TJP2: variants seen among roughly 807,000 people sequenced by gnomAD.
The protein encoded by TJP2 is tight junction protein 2.
TJP2 carries 91 observed loss-of-function variants against 133.1 expected under a neutral mutation model. The ratio of observed to expected loss-of-function variants is 0.68; its 90% CI spans 0.58 to 0.81. TJP2 has a LOEUF of 0.81. Among genes scored for constraint, TJP2 ranks in the 40% least tolerant of loss-of-function variants. The pLI, the probability that TJP2 is intolerant of heterozygous loss-of-function variation, is 0.00. For missense variants in TJP2, 1,541 were observed against 1,565.6 expected (o/e 0.98, Z 0.26); for synonymous variants, 592 against 583.4 (o/e 1.01, Z -0.21).
Position 69,174,304 on chromosome 9 carries a change from GAGT to G in TJP2, c.-66_-64del. Reference sequence around the variant, plus strand: ...AGCACTGTCCGGTGGTGCCCAGGAGGAGTAGGAGCAGGAGCAGAAGCAGAAGCG... The same window carrying G: ...AGCACTGTCCGGTGGTGCCCAGGAGGAGGAGCAGGAGCAGAAGCAGAAGCG... On this transcript the variant is annotated 5_prime_UTR_variant, in exon 1 of 23. Transcript: ENST00000377245. The G allele has an allele frequency of 1.9e-6, 3 of 1,550,230 alleles. No homozygotes were observed. The highest frequency in any genetic ancestry group is 2.6e-6 in the Non-Finnish European group (3 of 1,146,644).
chr9:69,224,263 C>T (rs75024916), intron 5 of TJP2, among the ~76,000 whole-genome samples: 1,958 of 152,286 alleles, frequency 0.013, 19 homozygotes, highest in Admixed American at 0.024. Context: ...TGCCAAGCTT[C>T]ATATAATCTA....
intron 1 of TJP2, among the ~76,000 whole-genome samples, chr9:69,196,001 C>T (rs979764908): frequency 1.3e-5 from 2 of 152,220 alleles, no homozygotes; most frequent in African/African-American, 4.8e-5. Flanking sequence ...CTCACTCTGT[C>T]ACCCAGGCTA....
chr9:69,217,542 G>A (rs1358334200), intron 3 of TJP2, among the ~76,000 whole-genome samples: 1 of 152,104 alleles, frequency 6.6e-6, no homozygotes, highest in Admixed American at 6.6e-5. Context: ...ACCCTGTTGG[G>A]ATGGCATGTA....
intron 2 of TJP2, among the ~76,000 whole-genome samples, chr9:69,213,233 T>G (rs994757237): frequency 6.6e-6 from 1 of 152,058 alleles, no homozygotes; most frequent in Non-Finnish European, 1.5e-5. Flanking sequence ...CCGGCTAATT[T>G]TGTATTTTTA....
rs1238544037 is a variant in TJP2 at position 69,187,551 on chromosome 9, A to G, written c.60+13119A>G. Among the ~76,000 whole-genome samples the G allele has an allele frequency of 2.0e-5, 3 of 152,354 alleles. No individual in the cohort carries two copies. In the East Asian group the frequency reaches 5.8e-4, roughly 29 times the overall value. Reference sequence around the variant, plus strand: ...AAGCAACATAAGCTTTTTGACTGAGACGAGCGTAATCAAAAGGAATGCTGG... The same window carrying G: ...AAGCAACATAAGCTTTTTGACTGAGGCGAGCGTAATCAAAAGGAATGCTGG... On this transcript the variant is annotated intron_variant, in intron 1 of 22. Transcript: ENST00000377245.
intron 2 of TJP2, among the ~76,000 whole-genome samples, chr9:69,214,705 T>C (rs1352439465): frequency 2.0e-5 from 3 of 151,920 alleles, no homozygotes; most frequent in African/African-American, 7.3e-5. Flanking sequence ...TCCCTGTCTC[T>C]CTACTAAAAA....
chr9:69,157,543 G>T (rs1169662106), intron 2 of TJP2, among the ~76,000 whole-genome samples: 1 of 150,042 alleles, frequency 6.7e-6, no homozygotes, highest in Non-Finnish European at 1.5e-5. Context: ...TTGGCTCATT[G>T]CAACCTCCAC....
chr9:69,218,222 G>A, intron 3 of TJP2, 35 bp from the exon 4 acceptor site: 1 of 1,520,252 alleles, frequency 6.6e-7, no homozygotes, highest in South Asian at 1.1e-5. Context: ...ATAGATGGGA[G>A]TTTTTCATGA....
chr9:69,143,028 G>A (rs1185427831), intron 1 of TJP2, among the ~76,000 whole-genome samples: 1 of 152,082 alleles, frequency 6.6e-6, no homozygotes, highest in South Asian at 2.1e-4. Flanking sequence ...AATTATGAGA[G>A]ATTCCACACA....
chr9:69,240,738 G>A (rs554055507), intron 17 of TJP2, among the ~76,000 whole-genome samples: 24 of 151,892 alleles, frequency 1.6e-4, no homozygotes, highest in African/African-American at 5.8e-4. Context: ...GGAATTCAAA[G>A]CTGCAGTGAG....
At chr9:69,173,988 G>A (rs528357968), upstream of TJP2, 37 of 985,310 alleles carry the variant, frequency 3.8e-5, no homozygotes, top group Middle Eastern at 1.0e-3. Flanking sequence ...GGGGCTGCGG[G>A]CCGCTCGGGC....
At chr9:69,213,675 G>A (rs1174890699) in intron 2 of TJP2, among the ~76,000 whole-genome samples, 1 of 152,204 alleles carries the variant, frequency 6.6e-6, no homozygotes, top group Admixed American at 6.5e-5. Context: ...TTCCTCATTT[G>A]AGGGGTTTTG....
chr9:69,241,067 A>AC (rs1276103990), intron 17 of TJP2, among the ~76,000 whole-genome samples: 2 of 152,152 alleles, frequency 1.3e-5, no homozygotes, highest in Non-Finnish European at 1.5e-5. Flanking sequence ...TAGTTGTTGA[A>AC]CTGGTTGATA....
At chr9:69,253,785 C>A (rs555605283) in intron 22 of TJP2, 27 of 293,074 alleles carry the variant, frequency 9.2e-5, no homozygotes, top group Non-Finnish European at 1.8e-4. Flanking sequence ...TCTAGTTTTC[C>A]AGTGATAGAA....
intron 1 of TJP2, among the ~76,000 whole-genome samples, chr9:69,206,544 C>T (rs1222305751): frequency 2.0e-5 from 3 of 146,832 alleles, no homozygotes; most frequent in African/African-American, 7.4e-5. Flanking sequence ...ACCCACTCAT[C>T]TCCCTATTTT....
At chr9:69,190,805 TTTG>T (rs1000495042) in intron 1 of TJP2, among the ~76,000 whole-genome samples, 4 of 152,192 alleles carry the variant, frequency 2.6e-5, no homozygotes, top group Non-Finnish European at 5.9e-5. Flanking sequence ...CAGCTGCGTG[TTTG>T]TTGTTTTTTC....
At position 69,163,192 on chromosome 9, in the gene TJP2, A is replaced by AT. The variant is rs1316060901; in HGVS notation, c.-10+11429dup. On this transcript the variant is annotated intron_variant, in intron 2 of 5. Transcript: ENST00000423935. The stretch of plus-strand genomic sequence containing the variant: ...AGGCGCCCGCCACTACGCCCGGCTA[A>AT]TTTTTTTTGTATTTTTAGTAGAGAC... 2.2e-4 allele frequency among the ~76,000 whole-genome samples: 23 copies of AT among 105,498 alleles called. 9 individuals are homozygous for AT. The highest frequency in any genetic ancestry group is 1.1e-3 in the Admixed American group (10 of 8,820). The allele number at this position is 105,498 out of a possible 152,430, so 69.2% of individuals were successfully genotyped here. A position where few individuals can be genotyped will look rare whatever the true frequency, so the allele number is the denominator to read the frequency against.
intron 1 of TJP2, among the ~76,000 whole-genome samples, chr9:69,190,624 G>A (rs1280763135): frequency 6.6e-6 from 1 of 152,170 alleles, no homozygotes; most frequent in East Asian, 1.9e-4. Context: ...AGTTTGTTGA[G>A]GATAGAAATG....
At chr9:69,222,788 GC>G (rs1309060735) in intron 5 of TJP2, among the ~76,000 whole-genome samples, 1 of 151,282 alleles carries the variant, frequency 6.6e-6, no homozygotes, top group African/African-American at 2.4e-5. Flanking sequence ...ATGGGGTGGA[GC>G]CGGGTGCAGT....
Sources: gnomAD v4.1 joint callset for allele counts (sites outside exome capture counted in the v4.1 genomes callset) on GRCh38, gnomAD v4.1.1 for gene constraint, MANE v1.5 for transcripts, NCBI Gene and HGNC (gene_info 2026-07-23, HGNC 2026-07-21) for gene names.